Variants in GRIK2 observed in about 807,000 individuals in gnomAD.
GRIK2 encodes glutamate receptor ionotropic, kainate 2.
Under a neutral mutation model 100.3 loss-of-function variants are expected in GRIK2, and 32 were observed. That is an observed-to-expected ratio of 0.32 (90% confidence interval 0.24 to 0.43). The LOEUF (loss-of-function observed/expected upper bound fraction) is 0.43. Ranked by LOEUF, GRIK2 falls within the 20% of genes least tolerant of loss-of-function variation. The pLI is 1.00. For synonymous variants in GRIK2, 417 were observed against 389.4 expected (o/e 1.07, Z -0.83); for missense variants, 843 against 1,114.9 (o/e 0.76, Z 3.47).
intron 1 of GRIK2, among the ~76,000 whole-genome samples, chr6:101,395,159 T>C (rs1038942759): frequency 6.6e-6 from 1 of 152,208 alleles, no homozygotes; most frequent in Non-Finnish European, 1.5e-5. Flanking sequence ...TATGCAACAG[T>C]GTGATTTCAA....
intron 2 of GRIK2, among the ~76,000 whole-genome samples, chr6:101,511,777 A>G (rs937571779): frequency 1.3e-5 from 2 of 151,924 alleles, no homozygotes; most frequent in Admixed American, 6.6e-5. Context: ...ATCATATATG[A>G]TTTGTTTTTA....
In GRIK2 at chr6:101,621,995, A is replaced by C. The variant is rs762108614; in HGVS notation, c.162A>C (p.Glu54Asp). The change falls in exon 3 of 17, where the codon GAA becomes GAC. Residue 54 changes from glutamate to aspartate, a missense_variant. By Grantham distance (45) the Glu-to-Asp change is conservative. This residue lies in a region of GRIK2 where 519 missense variants were observed against 643.8 expected (regional missense o/e 0.81). Coordinates refer to ENST00000369134, the MANE Select transcript of GRIK2 (RefSeq NM_021956.5). ...YVESGPMGAEELAFRFAVNTI... is the reference protein window; with the variant it reads ...YVESGPMGAEDLAFRFAVNTI... Reference sequence around the variant, plus strand: ...AATCTGGCCCAATGGGAGCTGAGGAACTTGCATTCAGATTTGCTGTGAACA... The same window carrying C: ...AATCTGGCCCAATGGGAGCTGAGGACCTTGCATTCAGATTTGCTGTGAACA... The C allele has an allele frequency of 6.2e-7, 1 of 1,609,664 alleles. No homozygotes were observed. The highest frequency in any genetic ancestry group is 8.5e-7 in the Non-Finnish European group (1 of 1,176,112).
At chr6:101,988,132 TGCGCGCGCGC>T (rs112299589) in intron 14 of GRIK2, among the ~76,000 whole-genome samples, 52 of 29,562 alleles carry the variant, frequency 1.8e-3, no homozygotes, top group South Asian at 4.5e-3. Flanking sequence ...TGTGTGTGTG[TGCGCGCGCGC>T]GCGCGCGCGC....
intron 2 of GRIK2, among the ~76,000 whole-genome samples, chr6:101,431,861 G>C (rs2128243125): frequency 6.6e-6 from 1 of 152,128 alleles, no homozygotes; most frequent in Non-Finnish European, 1.5e-5. Flanking sequence ...CACCCATTTA[G>C]TGTAGACCCA....
At chr6:101,689,652 C>G (rs995193640) in intron 7 of GRIK2, among the ~76,000 whole-genome samples, 1 of 152,086 alleles carries the variant, frequency 6.6e-6, no homozygotes, top group Non-Finnish European at 1.5e-5. Context: ...GGAACCAACT[C>G]ACACAGTACT....
intron 7 of GRIK2, among the ~76,000 whole-genome samples, chr6:101,752,142 A>C (rs1776831715): frequency 2.0e-5 from 3 of 152,198 alleles, no homozygotes; most frequent in Admixed American, 2.0e-4. Flanking sequence ...CTTATATGTT[A>C]ATTTTTGTAT....
chr6:101,850,777 C>G (rs184221621), intron 10 of GRIK2, among the ~76,000 whole-genome samples: 2 of 152,050 alleles, frequency 1.3e-5, no homozygotes. Context: ...GCCTTTACCT[C>G]TAGCAAATGC....
In GRIK2 at chr6:102,006,392, T is replaced by TATATATA. The variant is rs1562105606; in HGVS notation, c.2086-28949_2086-28948insATATATA. ...TTTATATATATATATATATATATATTTTTTTTTTTTTTGAGACATACAGTG... is the reference window on the plus strand; with the variant it reads ...TTTATATATATATATATATATATATTATATATATTTTTTTTTTTTGAGACATACAGTG... On this transcript the variant is annotated intron_variant, in intron 14 of 16. Coordinates refer to ENST00000369134, the MANE Select transcript of GRIK2 (RefSeq NM_021956.5). Among the ~76,000 whole-genome samples, 118 of 96,416 alleles carry TATATATA rather than the reference T, an allele frequency of 1.2e-3. 1 individual carries two copies. The highest frequency in any genetic ancestry group is 0.012 in the South Asian group (40 of 3,406). 63.3% of individuals were successfully genotyped at this position (96,416 alleles called of 152,430 possible). A position where few individuals can be genotyped will look rare whatever the true frequency, so the allele number is the denominator to read the frequency against.
intron 7 of GRIK2, among the ~76,000 whole-genome samples, chr6:101,763,331 GA>G (rs1777847347): frequency 6.6e-6 from 1 of 152,126 alleles, no homozygotes; most frequent in African/African-American, 2.4e-5. Context: ...AAACCACTCT[GA>G]ATGTGAGGTT....
intron 12 of GRIK2, 100 bp downstream of exon 12, chr6:101,889,963 T>C: frequency 1.4e-6 from 1 of 716,110 alleles, no homozygotes; most frequent in South Asian, 1.7e-5. Context: ...TTCTGTTCTT[T>C]ATTTTCCATG....
At chr6:101,567,361 TA>T (rs1777325655) in intron 2 of GRIK2, among the ~76,000 whole-genome samples, 1 of 151,958 alleles carries the variant, frequency 6.6e-6, no homozygotes, top group African/African-American at 2.4e-5. Context: ...TCTTACAAGA[TA>T]AATGCCATAT....
intron 14 of GRIK2, among the ~76,000 whole-genome samples, chr6:101,979,614 A>G (rs1793596434): frequency 6.6e-6 from 1 of 151,922 alleles, no homozygotes; most frequent in African/African-American, 2.4e-5. Context: ...TCCAGGGTTC[A>G]CTTTGGATTG....
In GRIK2 at chr6:102,033,958, A is replaced by C. The variant is rs535247142; in HGVS notation, c.2086-1383A>C. Among the ~76,000 whole-genome samples, 108 of 150,844 alleles carry C rather than the reference A, an allele frequency of 7.2e-4. 1 individual carries two copies. The highest frequency in any genetic ancestry group is 3.3e-3 in the East Asian group (17 of 5,110). On this transcript the variant is annotated intron_variant, in intron 14 of 16. Coordinates refer to ENST00000369134, the MANE Select transcript of GRIK2 (RefSeq NM_021956.5). ...GTTGGTTGGTTTTCAGTTGTGATTAAAAAAAAATGTTTGATGTGTTTATCA... is the reference window on the plus strand; with the variant it reads ...GTTGGTTGGTTTTCAGTTGTGATTACAAAAAAATGTTTGATGTGTTTATCA...
intron 7 of GRIK2, among the ~76,000 whole-genome samples, chr6:101,740,531 C>T (rs1347034831): frequency 1.3e-5 from 2 of 152,110 alleles, no homozygotes; most frequent in Non-Finnish European, 1.5e-5. Flanking sequence ...CAGAACGTAA[C>T]TTTTGCTCTT....
chr6:101,812,569 A>G lies in GRIK2; in HGVS notation c.1204-5801A>G, dbSNP rs920771710. Among the ~76,000 whole-genome samples, 3 of 151,970 alleles carry G rather than the reference A, an allele frequency of 2.0e-5. 1 individual carries two copies. Among genetic ancestry groups the G allele is most frequent in the Non-Finnish European group, 4.4e-5 (3 of 67,898 alleles). On this transcript the variant is annotated intron_variant, in intron 9 of 16. Coordinates refer to ENST00000369134, the MANE Select transcript of GRIK2 (RefSeq NM_021956.5). Reference sequence around the variant, plus strand: ...CAGTATGTTCAGAGATCTCACATATAAAGCCCGTAGGATGTCCTATATTCA... The same window carrying G: ...CAGTATGTTCAGAGATCTCACATATGAAGCCCGTAGGATGTCCTATATTCA...
At chr6:101,802,768 T>G (rs1393490429) in intron 9 of GRIK2, among the ~76,000 whole-genome samples, 1 of 151,908 alleles carries the variant, frequency 6.6e-6, no homozygotes, top group Non-Finnish European at 1.5e-5. Context: ...ACATGCAGCT[T>G]ATAATCACTT....
At chr6:101,453,738 A>T (rs183204120) in intron 2 of GRIK2, among the ~76,000 whole-genome samples, 1 of 152,110 alleles carries the variant, frequency 6.6e-6, no homozygotes, top group African/African-American at 2.4e-5. Flanking sequence ...TAACGTTATG[A>T]AGTATGTAGA....
At chr6:101,429,704 T>C (rs1769269929) in intron 2 of GRIK2, among the ~76,000 whole-genome samples, 1 of 152,152 alleles carries the variant, frequency 6.6e-6, no homozygotes, top group African/African-American at 2.4e-5. Context: ...TTTCTTTTTT[T>C]CCAATTATAG....
chr6:101,984,164 TATTA>T (rs1393133687), intron 14 of GRIK2, among the ~76,000 whole-genome samples: 18 of 151,702 alleles, frequency 1.2e-4, no homozygotes, highest in Admixed American at 1.2e-3. Context: ...AATATTAAAT[TATTA>T]ATTTATGAAT....
Sources: allele counts gnomAD v4.1 joint callset (sites outside exome capture counted in the v4.1 genomes callset), GRCh38; gene constraint gnomAD v4.1.1; regional missense constraint gnomAD v4.1.1; transcripts MANE v1.5; gene names NCBI Gene and HGNC (gene_info 2026-07-23, HGNC 2026-07-21).